The following GPR39 variants were observed in gnomAD, a reference collection of about 807,000 sequenced individuals.
GPR39 encodes zinc sensing receptor.
A neutral mutation model predicts 18.4 loss-of-function variants in GPR39; 23 were observed. The observed-to-expected ratio is 1.25, with a 90% CI of 0.90 to 1.77. The LOEUF (loss-of-function observed/expected upper bound fraction) is 1.77, where lower values mean the gene tolerates loss of function less well. Ranked by LOEUF, GPR39 falls within the 40% of genes most tolerant of loss-of-function variation. The pLI, the probability that GPR39 is intolerant of heterozygous loss-of-function variation, is 0.00. For synonymous variants in GPR39, 280 were observed against 257.9 expected (o/e 1.09, Z -0.82); for missense variants, 647 against 602.4 (o/e 1.07, Z -0.78).
chr2:132,530,377 G>C (rs1041354271), intron 1 of GPR39, among the ~76,000 whole-genome samples: 1 of 152,198 alleles, frequency 6.6e-6, no homozygotes, highest in African/African-American at 2.4e-5. Context: ...ATCTACATCA[G>C]ATTGGTGTAC....
intron 1 of GPR39, among the ~76,000 whole-genome samples, chr2:132,621,112 T>G (rs1681433502): frequency 6.6e-6 from 1 of 152,110 alleles, no homozygotes; most frequent in Non-Finnish European, 1.5e-5. Flanking sequence ...GTTGTGTGTC[T>G]CCGGTGCTTG....
At chr2:132,634,757 G>T (rs564497083) in intron 1 of GPR39, among the ~76,000 whole-genome samples, 27 of 152,298 alleles carry the variant, frequency 1.8e-4, no homozygotes, top group Admixed American at 1.0e-3. Flanking sequence ...GGAGGGGAAG[G>T]GCCCCCCTCA....
At chr2:132,625,072 A>ATTT (rs113383110) in intron 1 of GPR39, among the ~76,000 whole-genome samples, 1 of 141,294 alleles carries the variant, frequency 7.1e-6, no homozygotes, top group East Asian at 2.1e-4. Flanking sequence ...AGGTGCTCCA[A>ATTT]TTTTTTTTTT....
Position 132,417,189 on chromosome 2 carries a change from C to T in GPR39, c.147C>T (p.Ser49=), listed in dbSNP as rs777405304. The change falls in exon 1 of 2, where the codon AGC becomes AGT. Residue 49 remains serine, a synonymous_variant. Transcript: ENST00000329321. Reference sequence around the variant, plus strand: ...TCGTGATGGGCCTTCTGGGGAACAGCGCCACCATTCGGGTCACCCAGGTGC... The same window carrying T: ...TCGTGATGGGCCTTCTGGGGAACAGTGCCACCATTCGGGTCACCCAGGTGC... ...IIFVMGLLGN[S]ATIRVTQVLQ... 1.7e-5 allele frequency: 27 copies of T among 1,614,012 alleles called. No individual in the cohort carries two copies. The highest frequency in any genetic ancestry group is 2.3e-5 in the Non-Finnish European group (27 of 1,180,026).
intron 1 of GPR39, among the ~76,000 whole-genome samples, chr2:132,602,871 G>GGAA (rs71398570): frequency 7.2e-6 from 1 of 137,962 alleles, no homozygotes; most frequent in Non-Finnish European, 1.5e-5. Context: ...CTTAAAAAGA[G>GGAA]AAAAAAAAAA....
At chr2:132,631,291 ATTATAT>A (rs955149969) in intron 1 of GPR39, among the ~76,000 whole-genome samples, 1 of 152,188 alleles carries the variant, frequency 6.6e-6, no homozygotes, top group African/African-American at 2.4e-5. Flanking sequence ...GATGGGAGAG[ATTATAT>A]TTAATGTTCA....
rs558839598 is a variant in GPR39, at chr2:132,452,464, T to C, written c.856+34566T>C. Among the ~76,000 whole-genome samples the C allele has an allele frequency of 4.6e-5, 7 of 151,858 alleles. No homozygotes were observed. In the South Asian group the frequency reaches 1.4e-3, roughly 31 times the overall value. ...ACTTTTTTCAATCACTGTTCTTTCCTTTCTGTTTCTTTCTGTATTTTTTTA... is the reference window on the plus strand; with the variant it reads ...ACTTTTTTCAATCACTGTTCTTTCCCTTCTGTTTCTTTCTGTATTTTTTTA... On this transcript the variant is annotated intron_variant, in intron 1 of 1. Coordinates refer to ENST00000329321, the MANE Select transcript of GPR39 (RefSeq NM_001508.3).
At chr2:132,584,709 A>G (rs1396569843) in intron 1 of GPR39, among the ~76,000 whole-genome samples, 9 of 152,208 alleles carry the variant, frequency 5.9e-5, no homozygotes. Context: ...TAAGAAAAAA[A>G]CACCGTTTCG....
intron 1 of GPR39, among the ~76,000 whole-genome samples, chr2:132,562,596 CT>C (rs1680273181): frequency 1.1e-5 from 1 of 87,400 alleles, no homozygotes; most frequent in Non-Finnish European, 2.0e-5. Context: ...AGAAAGCCTT[CT>C]GAGACACTCT....
rs573527875 is a variant in GPR39, at chr2:132,496,198, T to C, written c.856+78300T>C. 3.3e-5 allele frequency among the ~76,000 whole-genome samples: 5 copies of C among 152,334 alleles called. No individual in the cohort carries two copies. In the South Asian group the frequency reaches 1.0e-3, roughly 32 times the overall value. On this transcript the variant is annotated intron_variant, in intron 1 of 1. Coordinates refer to ENST00000329321, the MANE Select transcript of GPR39 (RefSeq NM_001508.3). ...TGGTGTACAAAGTCCTGATGCTGTT[T>C]TGCTTGCCTTTTTTTCACCCTTCCT...
At chr2:132,602,030 T>C (rs1414303461) in intron 1 of GPR39, among the ~76,000 whole-genome samples, 6 of 121,262 alleles carry the variant, frequency 4.9e-5, no homozygotes. Context: ...TTCACAGAAA[T>C]AGAAAAAAAA....
At chr2:132,474,224 G>A (rs983076034) in intron 1 of GPR39, among the ~76,000 whole-genome samples, 5 of 152,196 alleles carry the variant, frequency 3.3e-5, no homozygotes, top group African/African-American at 4.8e-5. Context: ...GTGATAATTA[G>A]AGGCATATTT....
intron 1 of GPR39, among the ~76,000 whole-genome samples, chr2:132,620,102 C>T (rs111466160): frequency 2.6e-4 from 39 of 152,356 alleles, no homozygotes; most frequent in Non-Finnish European, 5.4e-4. Flanking sequence ...CAGCTGGGGT[C>T]TCTCTGTTCA....
intron 1 of GPR39, among the ~76,000 whole-genome samples, chr2:132,541,120 G>C (rs1679853452): frequency 6.6e-6 from 1 of 152,020 alleles, no homozygotes; most frequent in Non-Finnish European, 1.5e-5. Flanking sequence ...GTCTTGCTCT[G>C]TCAACCAGGC....
At chr2:132,631,614 G>T (rs1156878121) in intron 1 of GPR39, among the ~76,000 whole-genome samples, 1 of 152,094 alleles carries the variant, frequency 6.6e-6, no homozygotes, top group Non-Finnish European at 1.5e-5. Context: ...TTGTTTTTCT[G>T]CCTCTGGTCC....
chr2:132,504,469 G>T (rs956555871), intron 1 of GPR39, among the ~76,000 whole-genome samples: 1 of 152,116 alleles, frequency 6.6e-6, no homozygotes, highest in Non-Finnish European at 1.5e-5. Flanking sequence ...TCGTTGGGGT[G>T]CTCAAAATCT....
intron 1 of GPR39, among the ~76,000 whole-genome samples, chr2:132,470,698 G>A (rs917682721): frequency 6.6e-6 from 1 of 151,958 alleles, no homozygotes; most frequent in Non-Finnish European, 1.5e-5. Flanking sequence ...GCATTTGTTG[G>A]GGGGCAGGGA....
chr2:132,536,274 T>G (rs1292994103), intron 1 of GPR39, among the ~76,000 whole-genome samples: 1 of 152,188 alleles, frequency 6.6e-6, no homozygotes, highest in Admixed American at 6.5e-5. Context: ...CATTGTCTCT[T>G]TGTTCTCACT....
At chr2:132,421,897 A>G (rs1012823804) in intron 1 of GPR39, among the ~76,000 whole-genome samples, 1 of 152,142 alleles carries the variant, frequency 6.6e-6, no homozygotes. Context: ...CCTGAGGACA[A>G]TCGTTACCTG....
Sources: allele counts gnomAD v4.1 joint callset (sites outside exome capture counted in the v4.1 genomes callset), GRCh38; gene constraint gnomAD v4.1.1; transcripts MANE v1.5; gene names NCBI Gene and HGNC (gene_info 2026-07-23, HGNC 2026-07-21).